Variants in CYTH3 observed in about 807,000 individuals in gnomAD.
The protein encoded by CYTH3 is cytohesin 3.
CYTH3 carries 23 observed loss-of-function variants against 55.1 expected under a neutral mutation model. That is an observed-to-expected ratio of 0.42 (90% CI 0.30 to 0.59). The LOEUF (loss-of-function observed/expected upper bound fraction) is 0.59. CYTH3 is among the 20% of genes least tolerant of loss of function. CYTH3 has a pLI of 0.20. For synonymous variants in CYTH3, 249 were observed against 194.9 expected (o/e 1.28, Z -2.31); for missense variants, 413 against 524.8 (o/e 0.79, Z 2.08).
chr7:6,235,458 G>C (rs1779495258), intron 1 of CYTH3, among the ~76,000 whole-genome samples: 1 of 148,628 alleles, frequency 6.7e-6, no homozygotes, highest in East Asian at 1.9e-4. Flanking sequence ...GGGAGACAGA[G>C]GGAGACTCTA....
intron 1 of CYTH3, among the ~76,000 whole-genome samples, chr7:6,209,052 T>C (rs1339888893): frequency 6.6e-6 from 1 of 152,214 alleles, no homozygotes; most frequent in African/African-American, 2.4e-5. Flanking sequence ...CAGCACTGAA[T>C]AGATAAGTCC....
chr7:6,242,471 G>A (rs1583190523), intron 1 of CYTH3, among the ~76,000 whole-genome samples: 3 of 150,748 alleles, frequency 2.0e-5, no homozygotes, highest in African/African-American at 7.4e-5. Context: ...CCGCCTCCCA[G>A]GTTCAAGCGA....
chr7:6,188,021 C>A (rs150422249), intron 2 of CYTH3, among the ~76,000 whole-genome samples: 2,169 of 152,062 alleles, frequency 0.014, 24 homozygotes, highest in Non-Finnish European at 0.024. Context: ...GGGGGAATAT[C>A]ACAGCTGTGA....
rs775043717 is a variant in CYTH3 at position 6,164,689 on chromosome 7, C to T, written c.*255G>A. The T allele has an allele frequency of 3.3e-5, 18 of 546,104 alleles. No individual in the cohort carries two copies. Among genetic ancestry groups the T allele is most frequent in the Non-Finnish European group, 5.5e-5 (17 of 306,722 alleles). 33.8% of individuals were successfully genotyped at this position (546,104 alleles called of 1,614,324 possible). On this transcript the variant is annotated 3_prime_UTR_variant, in exon 13 of 13. Coordinates refer to ENST00000350796, the MANE Select transcript of CYTH3 (RefSeq NM_004227.4). The stretch of plus-strand genomic sequence containing the variant: ...GCGCAGCCGACCATGACCCCAGCCA[C>T]GGCAGGAGGCCTCGAGGATCAGTCT...
chr7:6,206,156 C>T (rs550827447), intron 1 of CYTH3, among the ~76,000 whole-genome samples: 22 of 152,248 alleles, frequency 1.4e-4, no homozygotes, highest in African/African-American at 3.9e-4. Context: ...AAAACCTGTA[C>T]ATGAATGTTC....
intron 1 of CYTH3, among the ~76,000 whole-genome samples, chr7:6,238,946 G>C (rs1779599714): frequency 6.7e-6 from 1 of 149,958 alleles, no homozygotes; most frequent in Admixed American, 6.6e-5. Context: ...AAGCACACTG[G>C]TTAGCACCTG....
At chr7:6,239,745 G>T (rs1271651986) in intron 1 of CYTH3, among the ~76,000 whole-genome samples, 1 of 152,074 alleles carries the variant, frequency 6.6e-6, no homozygotes, top group African/African-American at 2.4e-5. Flanking sequence ...CACTAAAGTA[G>T]AAAAGAATAC....
intron 1 of CYTH3, among the ~76,000 whole-genome samples, chr7:6,239,314 G>C (rs1048876187): frequency 5.9e-5 from 9 of 152,152 alleles, no homozygotes; most frequent in African/African-American, 1.9e-4. Context: ...TTCCTTCCTA[G>C]TCTCTGCCCA....
At chr7:6,165,053 G>GT (rs746917196) in intron 12 of CYTH3, 37 bp from the exon 13 acceptor site, 1 of 1,612,908 alleles carries the variant, frequency 6.2e-7, no homozygotes, top group Admixed American at 1.7e-5. Context: ...TTAGGTCGTG[G>GT]GTGACACACA....
rs1440262620 is a variant in CYTH3 at position 6,251,992 on chromosome 7, A to C, written c.34+20482T>G. 3.3e-5 allele frequency among the ~76,000 whole-genome samples: 5 copies of C among 152,370 alleles called. No homozygotes were observed. The East Asian group carries it at 9.6e-4, about 29-fold the overall frequency. Reference sequence around the variant, plus strand: ...TCTTATGATCATTACATTGATCATAAAAACCACTTTAAAACATAATTCATT... The same window carrying C: ...TCTTATGATCATTACATTGATCATACAAACCACTTTAAAACATAATTCATT... On this transcript the variant is annotated intron_variant, in intron 1 of 12. Transcript: ENST00000350796.
In CYTH3 at chr7:6,169,265, G is replaced by A. The variant is rs1463338782; in HGVS notation, c.823+1270C>T. Reference sequence around the variant, plus strand: ...AGACGAGGTCTCACTCTGTCGCCGAGGTGGGAGAGCAGTGGCACAGTCATG... The same window carrying A: ...AGACGAGGTCTCACTCTGTCGCCGAAGTGGGAGAGCAGTGGCACAGTCATG... On this transcript the variant is annotated intron_variant, in intron 9 of 12. Transcript: ENST00000350796. This position sits in a 1 kb window ranked among gnomAD's most constrained non-coding sequence, Gnocchi z 4.1. Among the ~76,000 whole-genome samples, 1 of 152,182 alleles carries A rather than the reference G, an allele frequency of 6.6e-6. No homozygotes were observed. Among genetic ancestry groups the A allele is most frequent in the Non-Finnish European group, 1.5e-5 (1 of 68,030 alleles).
chr7:6,265,834 G>A (rs886364931), intron 1 of CYTH3, among the ~76,000 whole-genome samples: 7 of 152,068 alleles, frequency 4.6e-5, no homozygotes, highest in African/African-American at 1.7e-4. Flanking sequence ...GAAGGCTTAA[G>A]GCAAAAGAAG....
At chr7:6,180,572 G>T (rs1358737259) in intron 4 of CYTH3, among the ~76,000 whole-genome samples, 1 of 152,172 alleles carries the variant, frequency 6.6e-6, no homozygotes, top group Non-Finnish European at 1.5e-5. Context: ...CCCCGATCTC[G>T]GACTTCTGGC....
chr7:6,238,267 T>C lies in CYTH3; in HGVS notation c.34+34207A>G, dbSNP rs536158481. ...TGAATCTTAGTATACATTTAATTCA[T>C]TCATTTATAATCAAAAGAAACAACC... On this transcript the variant is annotated intron_variant, in intron 1 of 12. Coordinates refer to ENST00000350796, the MANE Select transcript of CYTH3 (RefSeq NM_004227.4). Among the ~76,000 whole-genome samples the C allele has an allele frequency of 5.3e-5, 8 of 152,326 alleles. No homozygotes were observed. In the South Asian group the frequency reaches 6.2e-4, roughly 12 times the overall value.
chr7:6,177,680 T>A (rs1389993429), intron 5 of CYTH3, 143 bp downstream of exon 5: 1 of 668,428 alleles, frequency 1.5e-6, no homozygotes, highest in Non-Finnish European at 2.7e-6. Context: ...TCGCTTGGTA[T>A]TGAGACGGGC....
intron 1 of CYTH3, among the ~76,000 whole-genome samples, chr7:6,195,404 G>A (rs945069241): frequency 7.9e-5 from 12 of 152,062 alleles, no homozygotes; most frequent in African/African-American, 2.7e-4. Context: ...TTAATTTCCT[G>A]CTTCCTGTAT....
At chr7:6,227,394 C>T (rs548593859) in intron 1 of CYTH3, among the ~76,000 whole-genome samples, 2 of 151,654 alleles carry the variant, frequency 1.3e-5, no homozygotes, top group African/African-American at 4.8e-5. Context: ...TAATGAAAAA[C>T]ATATGTTCAT....
At chr7:6,223,836 TAAAAAAAAAAAAAA>T (rs58813864) in intron 1 of CYTH3, among the ~76,000 whole-genome samples, 5 of 24,282 alleles carry the variant, frequency 2.1e-4, no homozygotes, top group Admixed American at 5.1e-4. Flanking sequence ...CAATAAATAC[TAAAAAAAAAAAAAA>T]AAAAAAAAAA....
intron 1 of CYTH3, among the ~76,000 whole-genome samples, chr7:6,249,267 C>A (rs1779901747): frequency 6.6e-6 from 1 of 152,106 alleles, no homozygotes; most frequent in Admixed American, 6.5e-5. Flanking sequence ...ACTGGAGAAG[C>A]CGCATAAACA....
Sources: gnomAD v4.1 joint callset for allele counts (sites outside exome capture counted in the v4.1 genomes callset) on GRCh38, gnomAD v4.1.1 for gene constraint, Gnocchi (gnomAD v3.1) non-coding constraint, MANE v1.5 for transcripts, NCBI Gene and HGNC (gene_info 2026-07-23, HGNC 2026-07-21) for gene names.